CHAT: variants seen among roughly 807,000 people sequenced by gnomAD.
The protein encoded by CHAT is acetyl CoA:choline O-acetyltransferase.
A neutral mutation model predicts 76.9 loss-of-function variants in CHAT; 61 were observed. The ratio of observed to expected loss-of-function variants is 0.79; its 90% CI spans 0.65 to 0.98. The LOEUF (loss-of-function observed/expected upper bound fraction) is 0.98. Among genes scored for constraint, CHAT ranks in the 50% least tolerant of loss-of-function variants. CHAT has a pLI of 0.00. For synonymous variants in CHAT, 407 were observed against 397.4 expected, an observed-to-expected ratio of 1.02 and a Z score of -0.29; for missense variants, 946 against 986.9, an observed-to-expected ratio of 0.96 and a Z score of 0.56.
chr10:49,655,093 A>G lies in CHAT; in HGVS notation c.1635-2A>G. 3 of 1,614,088 alleles carry G rather than the reference A, an allele frequency of 1.9e-6. No homozygotes were observed. The highest frequency in any genetic ancestry group is 2.5e-6 in the Non-Finnish European group (3 of 1,179,990). On this transcript the variant is annotated splice_acceptor_variant, in intron 11 of 14. Transcript: ENST00000337653. LOFTEE classifies it high-confidence loss of function. ...GTGCCATTCATCCTTCATCCCACGC[A>G]GGCTCCATCGAAGACTGGTGCCCAC...
intron 14 of CHAT, among the ~76,000 whole-genome samples, chr10:49,663,503 G>T (rs1840262601): frequency 6.6e-6 from 1 of 152,216 alleles, no homozygotes; most frequent in Non-Finnish European, 1.5e-5. Flanking sequence ...ATAGGTCACA[G>T]ATATTATTAT....
intron 7 of CHAT, chr10:49,637,265 A>C (rs1839326241): frequency 6.6e-6 from 1 of 151,922 alleles, no homozygotes; most frequent in Admixed American, 6.6e-5. Flanking sequence ...AATGCTATAA[A>C]TTTCCCTCTC....
chr10:49,611,700 G>A (rs757432289), upstream of CHAT: 10 of 1,609,074 alleles, frequency 6.2e-6, no homozygotes, highest in Non-Finnish European at 1.7e-6. Context: ...AGCATACGAT[G>A]GCGGCTTCCG....
chr10:49,623,922 C>T (rs1467759435), intron 5 of CHAT, among the ~76,000 whole-genome samples: 1 of 152,234 alleles, frequency 6.6e-6, no homozygotes, highest in East Asian at 1.9e-4. Flanking sequence ...TCTGCCACAA[C>T]CTCCTTCCTT....
At chr10:49,610,899 C>T (rs550120542), upstream of CHAT, 1 of 1,612,944 alleles carries the variant, frequency 6.2e-7, no homozygotes, top group East Asian at 2.2e-5. Context: ...ACATGGTCAT[C>T]GTGCCCATAG....
rs79414242 is a variant in CHAT at position 49,664,976 on chromosome 10, C to T, written c.2177C>T (p.Pro726Leu). The T allele has an allele frequency of 1.1e-3, 1,825 of 1,614,214 alleles. 6 individuals carry two copies. The highest frequency in any genetic ancestry group is 1.3e-3 in the Non-Finnish European group (1,483 of 1,180,042). ...IDMRDLCSLL[P>L]PTESKPLATK... is the part of the protein sequence containing the mutation. ...ATGAGAGACCTCTGCAGTCTGCTGC[C>T]GCCTACTGAGAGCAAGCCATTGGCA... is the stretch of plus-strand genomic sequence containing the variant. Residue 726 changes from proline (P) to leucine (L), a missense_variant, in exon 15 of 15, where the codon CCG becomes CTG. Physicochemically the swap from Pro to Leu is moderately conservative, Grantham distance 98 (BLOSUM62 -3). Transcript: ENST00000337653.
chr10:49,614,570 A>T, intron 1 of CHAT, 95 bp downstream of exon 1: 12 of 794,264 alleles, frequency 1.5e-5, no homozygotes, highest in East Asian at 1.1e-4. Context: ...CGGGGCCGAG[A>T]GGCCCCAGGA....
intron 1 of CHAT, among the ~76,000 whole-genome samples, chr10:49,614,697 G>A (rs1838418337): frequency 1.3e-5 from 2 of 152,210 alleles, no homozygotes; most frequent in Admixed American, 1.3e-4. Flanking sequence ...AGGGCTTCGG[G>A]ACTCCAAGCG....
At chr10:49,621,390 C>A (rs1477823249) in intron 4 of CHAT, among the ~76,000 whole-genome samples, 1 of 152,186 alleles carries the variant, frequency 6.6e-6, no homozygotes, top group East Asian at 1.9e-4. Flanking sequence ...AAGGTGTGGA[C>A]AGATGAATGA....
chr10:49,615,210 T>G (rs1401254825), intron 1 of CHAT, among the ~76,000 whole-genome samples: 2 of 151,976 alleles, frequency 1.3e-5, no homozygotes, highest in Admixed American at 6.5e-5. Flanking sequence ...GGCTGCATGG[T>G]CTGTAGGGCC....
At chr10:49,652,039 AG>A in intron 11 of CHAT, 33 bp downstream of exon 11, 1 of 1,613,930 alleles carries the variant, frequency 6.2e-7, no homozygotes, top group South Asian at 1.1e-5. Flanking sequence ...TGTACCCTGG[AG>A]GGCTGACGGA....
At chr10:49,617,730 A>G (rs572383786) in intron 2 of CHAT, among the ~76,000 whole-genome samples, 25 of 151,842 alleles carry the variant, frequency 1.6e-4, no homozygotes, top group Middle Eastern at 3.4e-3. Context: ...CACCCATCAC[A>G]CAGACCACCC....
rs572120821 is a variant in CHAT at position 49,667,550 on chromosome 10, G to A, written c.*2504G>A. Reference sequence around the variant, plus strand: ...TGGTCTTCCCCCTCCAAGAATACACGGGTGCACTGAGTCTTTATGCAAAGG... The same window carrying A: ...TGGTCTTCCCCCTCCAAGAATACACAGGTGCACTGAGTCTTTATGCAAAGG... On this transcript the variant is annotated 3_prime_UTR_variant, in exon 15 of 15. Transcript: ENST00000337653. Among the ~76,000 whole-genome samples, 43 of 152,298 alleles carry A rather than the reference G, an allele frequency of 2.8e-4. No individual in the cohort carries two copies. Among genetic ancestry groups the A allele is most frequent in the African/African-American group, 9.9e-4 (41 of 41,564 alleles).
At chr10:49,650,701 G>A (rs1037135997) in intron 10 of CHAT, among the ~76,000 whole-genome samples, 7 of 152,156 alleles carry the variant, frequency 4.6e-5, no homozygotes, top group East Asian at 1.9e-4. Flanking sequence ...GTATGGGGAC[G>A]CCCCTGAGGA....
In CHAT at chr10:49,620,583, AG is replaced by A. The variant is rs1554802808; in HGVS notation, c.669del (p.Gln223HisfsTer10). ...AGCCCTGCCGTGATCTTTGCTCGGC[AG>A]CACTTCCCTGGCACCGATGACCAGC... ...NSSPAVIFAR[Q>X]HFPGTDDQLR... On this transcript the variant is annotated frameshift_variant, in exon 4 of 15. Coordinates refer to ENST00000337653, the MANE Select transcript of CHAT (RefSeq NM_020549.5). LOFTEE classifies it high-confidence loss of function. The A allele has an allele frequency of 6.2e-7, 1 of 1,613,642 alleles. No individual in the cohort carries two copies. The highest frequency in any genetic ancestry group is 8.5e-7 in the Non-Finnish European group (1 of 1,179,662).
chr10:49,634,174 C>T (rs1027904971), intron 7 of CHAT, among the ~76,000 whole-genome samples: 9 of 152,330 alleles, frequency 5.9e-5, no homozygotes, highest in Admixed American at 4.6e-4. Flanking sequence ...ACAAGAGCAT[C>T]CAGGCAGGAA....
chr10:49,651,465 G>A (rs965833433), intron 10 of CHAT, among the ~76,000 whole-genome samples: 1 of 152,220 alleles, frequency 6.6e-6, no homozygotes, highest in African/African-American at 2.4e-5. Flanking sequence ...GATGGAGGAG[G>A]AGATTGTTCA....
chr10:49,650,692 T>C (rs1374221335), intron 10 of CHAT, among the ~76,000 whole-genome samples: 1 of 151,114 alleles, frequency 6.6e-6, no homozygotes, highest in Non-Finnish European at 1.5e-5. Context: ...GTGCAGGGGG[T>C]ATGGGGACGC....
chr10:49,649,488 G>A lies in CHAT; in HGVS notation c.1383-20G>A. On this transcript the variant is annotated intron_variant, in intron 9 of 14. Transcript: ENST00000337653. ...GCTGTCTGGCCGCAGAGCCTCAGGA[G>A]GTTGCCTCTGTGCCCGCAGGACGCA... 6.2e-7 allele frequency: 1 copy of A among 1,613,746 alleles called. No individual in the cohort carries two copies. The highest frequency in any genetic ancestry group is 8.5e-7 in the Non-Finnish European group (1 of 1,180,040).
Sources: allele counts gnomAD v4.1 joint callset (sites outside exome capture counted in the v4.1 genomes callset), GRCh38; gene constraint gnomAD v4.1.1; transcripts MANE v1.5; gene names NCBI Gene and HGNC (gene_info 2026-07-23, HGNC 2026-07-21).